PCDH15: variants seen among roughly 807,000 people sequenced by gnomAD.
PCDH15 encodes the protein protocadherin related 15.
PCDH15 carries 129 observed loss-of-function variants against 178.5 expected under a neutral mutation model. That is an observed-to-expected ratio of 0.72 (90% CI 0.63 to 0.84). PCDH15 has a LOEUF of 0.84. Among genes scored for constraint, PCDH15 ranks in the 40% least tolerant of loss-of-function variants. The probability of loss-of-function intolerance (pLI) is 0.00; values close to 1 mark genes in which losing one functional copy is unlikely to be tolerated. For synonymous variants in PCDH15, 800 were observed against 732.0 expected (o/e 1.09, Z -1.50); for missense variants, 2,230 against 2,099.9 (o/e 1.06, Z -1.21).
chr10:55,221,438 T>A (rs1160365009), intron 1 of PCDH15, among the ~76,000 whole-genome samples: 2 of 152,162 alleles, frequency 1.3e-5, no homozygotes, highest in Non-Finnish European at 2.9e-5. Context: ...GCCTGTAAAC[T>A]GTTTTTGCTG....
At chr10:55,068,924 G>T (rs1181845343) in intron 2 of PCDH15, among the ~76,000 whole-genome samples, 1 of 151,970 alleles carries the variant, frequency 6.6e-6, no homozygotes, top group Non-Finnish European at 1.5e-5. Flanking sequence ...TTGAGACAGA[G>T]TCTCACTCCA....
intron 2 of PCDH15, among the ~76,000 whole-genome samples, chr10:55,474,567 T>C (rs371514834): frequency 6.6e-6 from 1 of 152,184 alleles, no homozygotes; most frequent in African/African-American, 2.4e-5. Flanking sequence ...TCAGATATTA[T>C]GTAATTCTCA....
intron 2 of PCDH15, among the ~76,000 whole-genome samples, chr10:55,076,178 T>C (rs551248142): frequency 7.6e-4 from 115 of 152,316 alleles, no homozygotes; most frequent in African/African-American, 2.4e-3. Context: ...GACTGTTCCA[T>C]GTGCTAGTAA....
chr10:54,628,216 C>T (rs2093610355), intron 2 of PCDH15, among the ~76,000 whole-genome samples: 1 of 152,170 alleles, frequency 6.6e-6, no homozygotes, highest in Non-Finnish European at 1.5e-5. Context: ...AATGGCTAAA[C>T]ACACAACATC....
chr10:54,902,049 A>T (rs1954646815), intron 2 of PCDH15, among the ~76,000 whole-genome samples: 1 of 152,174 alleles, frequency 6.6e-6, no homozygotes, highest in African/African-American at 2.4e-5. Flanking sequence ...CCAAAAGCTC[A>T]TGAAATCACA....
intron 2 of PCDH15, among the ~76,000 whole-genome samples, chr10:55,104,861 G>C (rs1300198041): frequency 1.3e-5 from 2 of 152,210 alleles, no homozygotes; most frequent in African/African-American, 4.8e-5. Context: ...CAATATGCAA[G>C]AACTTCAGGA....
At chr10:54,253,712 A>C (rs7912548) in intron 8 of PCDH15, among the ~76,000 whole-genome samples, 107,426 of 151,854 alleles carry the variant, frequency 0.71, 38,922 homozygotes, top group Middle Eastern at 0.76. Context: ...TTGTCACCTT[A>C]CTATATTTAT....
chr10:54,133,705 T>C (rs12255063), intron 14 of PCDH15, among the ~76,000 whole-genome samples: 2,345 of 152,226 alleles, frequency 0.015, 75 homozygotes, highest in African/African-American at 0.054. Context: ...TTCTTTGATA[T>C]CTCTGAACTT....
intron 3 of PCDH15, among the ~76,000 whole-genome samples, chr10:54,501,772 T>G (rs12248250): frequency 6.6e-6 from 1 of 152,026 alleles, no homozygotes; most frequent in African/African-American, 2.4e-5. Flanking sequence ...AGTATATAAT[T>G]ATATATGATT....
intron 2 of PCDH15, among the ~76,000 whole-genome samples, chr10:55,012,284 G>A (rs1298095745): frequency 6.6e-6 from 1 of 151,978 alleles, no homozygotes; most frequent in Non-Finnish European, 1.5e-5. Context: ...TAAGTTTTGA[G>A]TATACAGTAT....
intron 2 of PCDH15, among the ~76,000 whole-genome samples, chr10:55,454,423 G>A (rs1416992378): frequency 4.6e-5 from 7 of 151,742 alleles, no homozygotes; most frequent in Non-Finnish European, 1.0e-4. Flanking sequence ...AAAAAAAATC[G>A]AATTGTAATA....
chr10:54,134,862 T>A (rs970639589), intron 14 of PCDH15, among the ~76,000 whole-genome samples: 1 of 151,856 alleles, frequency 6.6e-6, no homozygotes, highest in Admixed American at 6.6e-5. Context: ...GAGCATATCA[T>A]CAGTAGATAG....
rs1470569226 is a variant in PCDH15 at position 53,837,589 on chromosome 10, A to AT, written c.3983+2730dup. Reference sequence around the variant, plus strand: ...CATTCCAACATCCTCAGAAGCTTAGATTTTAAGGTGAAAGGAAATTGAAAG... The same window carrying AT: ...CATTCCAACATCCTCAGAAGCTTAGATTTTTAAGGTGAAAGGAAATTGAAAG... On this transcript the variant is annotated intron_variant, in intron 29 of 37. Transcript: ENST00000644397. Among the ~76,000 whole-genome samples the AT allele has an allele frequency of 4.6e-5, 7 of 152,226 alleles. No individual in the cohort carries two copies. In the East Asian group the frequency reaches 1.4e-3, roughly 29 times the overall value.
chr10:54,676,671 G>A (rs1338778619), intron 1 of PCDH15, among the ~76,000 whole-genome samples: 1 of 152,118 alleles, frequency 6.6e-6, no homozygotes, highest in Non-Finnish European at 1.5e-5. Context: ...TGCTGAAGTT[G>A]AAAGGTTCAA....
intron 18 of PCDH15, among the ~76,000 whole-genome samples, chr10:54,050,410 T>C (rs1340074776): frequency 6.6e-6 from 1 of 152,140 alleles, no homozygotes; most frequent in Non-Finnish European, 1.5e-5. Flanking sequence ...TGTAATGTCA[T>C]CTTTTGTCAT....
intron 3 of PCDH15, among the ~76,000 whole-genome samples, chr10:54,836,675 CTACTT>C (rs1301745155): frequency 6.6e-6 from 1 of 151,968 alleles, no homozygotes; most frequent in African/African-American, 2.4e-5. Flanking sequence ...ACACTAATAA[CTACTT>C]TAATATGAAT....
Position 54,023,008 on chromosome 10 carries a change from T to A in PCDH15, c.2410A>T (p.Thr804Ser), listed in dbSNP as rs2092971839. ...GAVHPRHSTLTLAIKVLDIDD... is the reference protein window; with the variant it reads ...GAVHPRHSTLSLAIKVLDIDD... ...ATGTCCAAAACCTTGATGGCCAAGG[T>A]TAGAGTTGAATGACGAGGGTGTACT... The change falls in exon 19 of 38, where the codon ACC (threonine) becomes TCC (serine). Residue 804 changes from threonine to serine, a missense_variant. Thr to Ser is a moderately conservative substitution (Grantham distance 58). Transcript: ENST00000644397. 6.2e-7 allele frequency: 1 copy of A among 1,613,820 alleles called. No homozygotes were observed. The highest frequency in any genetic ancestry group is 1.7e-5 in the Admixed American group (1 of 59,962).
chr10:53,927,288 G>A (rs1589458615), intron 25 of PCDH15, among the ~76,000 whole-genome samples: 1 of 152,152 alleles, frequency 6.6e-6, no homozygotes, highest in East Asian at 1.9e-4. Context: ...AATCAAAGGA[G>A]CATTGTCCCA....
chr10:55,521,611 T>G (rs1287584936), intron 2 of PCDH15, among the ~76,000 whole-genome samples: 5 of 151,948 alleles, frequency 3.3e-5, no homozygotes, highest in African/African-American at 1.2e-4. Flanking sequence ...CACAGATACT[T>G]TGATTGTTTT....
Sources: allele counts gnomAD v4.1 joint callset (sites outside exome capture counted in the v4.1 genomes callset), GRCh38; gene constraint gnomAD v4.1.1; transcripts MANE v1.5; gene names NCBI Gene and HGNC (gene_info 2026-07-23, HGNC 2026-07-21).